Variants in PPP3CA observed in about 807,000 individuals in gnomAD.
PPP3CA encodes protein phosphatase 3 catalytic subunit alpha.
In PPP3CA, 14 loss-of-function variants were observed where a neutral mutation model predicts 66.5. That is an observed-to-expected ratio of 0.21 (90% CI 0.14 to 0.33). PPP3CA has a LOEUF of 0.33. Ranked by LOEUF, PPP3CA falls within the 10% of genes least tolerant of loss-of-function variation. The pLI is 1.00. For missense variants in PPP3CA, 317 were observed against 639.5 expected, an observed-to-expected ratio of 0.50 and a Z score of 5.44; for synonymous variants, 232 against 226.2, an observed-to-expected ratio of 1.03 and a Z score of -0.23.
intron 1 of PPP3CA, among the ~76,000 whole-genome samples, chr4:101,250,747 C>G (rs1726647931): frequency 6.6e-6 from 1 of 152,000 alleles, no homozygotes; most frequent in Non-Finnish European, 1.5e-5. Context: ...CAATTTTTTT[C>G]TTCCCTGAGG....
intron 2 of PPP3CA, among the ~76,000 whole-genome samples, chr4:101,189,157 A>T (rs1157909789): frequency 6.6e-6 from 1 of 152,140 alleles, no homozygotes; most frequent in Non-Finnish European, 1.5e-5. Context: ...CTAAAAAGAT[A>T]ACTGCTATGT....
At chr4:101,281,657 T>C (rs1727688441) in intron 1 of PPP3CA, among the ~76,000 whole-genome samples, 1 of 152,196 alleles carries the variant, frequency 6.6e-6, no homozygotes, top group South Asian at 2.1e-4. Flanking sequence ...GTCAATCAAA[T>C]GTAATAAGAA....
At chr4:101,221,920 T>C (rs1416690198) in intron 1 of PPP3CA, among the ~76,000 whole-genome samples, 2 of 151,570 alleles carry the variant, frequency 1.3e-5, no homozygotes, top group African/African-American at 4.8e-5. Flanking sequence ...TTCTTATAGA[T>C]TGCATTCTTA....
chr4:101,075,336 C>T (rs1423215279), intron 8 of PPP3CA, among the ~76,000 whole-genome samples: 1 of 152,142 alleles, frequency 6.6e-6, no homozygotes, highest in African/African-American at 2.4e-5. Context: ...AAATTAGTTT[C>T]GTTGCCATTA....
At chr4:101,101,667 C>A (rs1416728816) in intron 3 of PPP3CA, among the ~76,000 whole-genome samples, 1 of 151,608 alleles carries the variant, frequency 6.6e-6, no homozygotes, top group Non-Finnish European at 1.5e-5. Flanking sequence ...TATAATATAT[C>A]CAGTGAAACG....
chr4:101,276,008 C>A (rs572630903), intron 1 of PPP3CA, among the ~76,000 whole-genome samples: 3 of 152,000 alleles, frequency 2.0e-5, no homozygotes, highest in South Asian at 2.1e-4. Context: ...AATTCTCCTG[C>A]CTCAGCCTCC....
chr4:101,333,283 T>G (rs1029921376), intron 1 of PPP3CA, among the ~76,000 whole-genome samples: 8 of 101,622 alleles, frequency 7.9e-5, no homozygotes, highest in Admixed American at 4.6e-4. Flanking sequence ...TTTTTTTTTT[T>G]TTTTTTTTTT....
Position 101,039,988 on chromosome 4 carries a change from CA to C in PPP3CA, c.1241+493del, listed in dbSNP as rs1360037583. Among the ~76,000 whole-genome samples, 4 of 106,024 alleles carry C rather than the reference CA, an allele frequency of 3.8e-5. 1 individual carries two copies. The highest frequency in any genetic ancestry group is 1.3e-4 in the African/African-American group (4 of 31,426). The allele number at this position is 106,024 out of a possible 152,430, so 69.6% of individuals were successfully genotyped here. On this transcript the variant is annotated intron_variant, in intron 11 of 13. Transcript: ENST00000394854. Reference sequence around the variant, plus strand: ...TAATAATAATATGATTCATAATCTACAAAATATACTACTATATGGAAATTGA... The same window carrying C: ...TAATAATAATATGATTCATAATCTACAAATATACTACTATATGGAAATTGA...
At chr4:101,161,542 G>C (rs1285547823) in intron 2 of PPP3CA, among the ~76,000 whole-genome samples, 4 of 152,074 alleles carry the variant, frequency 2.6e-5, no homozygotes, top group African/African-American at 4.8e-5. Flanking sequence ...TGCCAAATGG[G>C]AAAGGATTCA....
intron 1 of PPP3CA, among the ~76,000 whole-genome samples, chr4:101,318,190 T>C (rs1048543639): frequency 6.6e-6 from 1 of 152,140 alleles, no homozygotes. Context: ...CACAGAATGA[T>C]ATAAAAAAAG....
intron 1 of PPP3CA, among the ~76,000 whole-genome samples, chr4:101,315,674 G>A (rs1175181383): frequency 3.9e-5 from 6 of 152,188 alleles, no homozygotes; most frequent in Non-Finnish European, 8.8e-5. Flanking sequence ...AAATAAGATA[G>A]AAGCTCAGTT....
Position 101,253,813 on chromosome 4 carries a change from C to A in PPP3CA, c.59-57697G>T, listed in dbSNP as rs1332880511. ...TCTCAGAAATGTGTGGATATATGAA[C>A]GAAAGAGGGGAAGAGGCAGCACCTC... On this transcript the variant is annotated intron_variant, in intron 1 of 13. Coordinates refer to ENST00000394854, the MANE Select transcript of PPP3CA (RefSeq NM_000944.5). Among the ~76,000 whole-genome samples the A allele has an allele frequency of 2.6e-5, 4 of 151,890 alleles. No homozygotes were observed. In the East Asian group the frequency reaches 7.8e-4, roughly 29 times the overall value.
At chr4:101,029,347 T>TAAAAAAAAAAAAAAAAAAA (rs34620032) in intron 12 of PPP3CA, 152 bp from the exon 13 acceptor site, 2 of 78,836 alleles carry the variant, frequency 2.5e-5, no homozygotes, top group African/African-American at 7.1e-5. Context: ...ACAGAAATGC[T>TAAAAAAAAAAAAAAAAAAA]AAAAAAAAAA....
At chr4:101,074,204 T>G (rs904020209) in intron 8 of PPP3CA, among the ~76,000 whole-genome samples, 1 of 151,888 alleles carries the variant, frequency 6.6e-6, no homozygotes, top group Non-Finnish European at 1.5e-5. Flanking sequence ...TGTAGGGGAG[T>G]GAGCTCTTTG....
rs145612022 is a variant in PPP3CA, at chr4:101,345,370, G to A, written c.58+1369C>T. Among the ~76,000 whole-genome samples the A allele has an allele frequency of 1.2e-4, 19 of 152,306 alleles. 1 individual carries two copies. The highest frequency in any genetic ancestry group is 4.6e-4 in the African/African-American group (19 of 41,566). ...TGTGTATCATGGTCTTTGGGCTGCT[G>A]GGTTACTTCACTTTTAAGTGCTCAT... On this transcript the variant is annotated intron_variant, in intron 1 of 13. Coordinates refer to ENST00000394854, the MANE Select transcript of PPP3CA (RefSeq NM_000944.5).
At chr4:101,037,987 G>T (rs997926) in intron 11 of PPP3CA, among the ~76,000 whole-genome samples, 114,687 of 152,172 alleles carry the variant, frequency 0.75, 44,918 homozygotes, top group African/African-American at 0.89. Flanking sequence ...CCCAACTGAG[G>T]GAGTTTGGAC....
In PPP3CA at chr4:101,195,947, T is replaced by C. The variant is rs371141456; in HGVS notation, c.228A>G (p.Lys76=). The C allele has an allele frequency of 1.9e-6, 3 of 1,613,986 alleles. No individual in the cohort carries two copies. The highest frequency in any genetic ancestry group is 2.5e-6 in the Non-Finnish European group (3 of 1,179,928). Residue 76 remains lysine (K), a synonymous_variant, in exon 2 of 14, where the codon AAA becomes AAG. Coordinates refer to ENST00000394854, the MANE Select transcript of PPP3CA (RefSeq NM_000944.5). ...CTGGCGCATCAATATCCAGCAAATTTTTTTCCTGTCGAAGAATTGATGCAC... is the reference window on the plus strand; with the variant it reads ...CTGGCGCATCAATATCCAGCAAATTCTTTTCCTGTCGAAGAATTGATGCAC... ...TEGASILRQE[K]NLLDIDAPVT... is the part of the protein sequence containing the mutation.
chr4:101,319,337 G>T (rs536647784), intron 1 of PPP3CA, among the ~76,000 whole-genome samples: 1 of 151,846 alleles, frequency 6.6e-6, no homozygotes, highest in Non-Finnish European at 1.5e-5. Flanking sequence ...TTGATTTGTG[G>T]CATGTTTCCA....
intron 1 of PPP3CA, among the ~76,000 whole-genome samples, chr4:101,243,476 T>C (rs760073610): frequency 1.3e-5 from 2 of 151,986 alleles, no homozygotes; most frequent in Admixed American, 6.6e-5. Context: ...TAAATATACA[T>C]AGGGAAAAAA....
Sources: gnomAD v4.1 joint callset for allele counts (sites outside exome capture counted in the v4.1 genomes callset) on GRCh38, gnomAD v4.1.1 for gene constraint, MANE v1.5 for transcripts, NCBI Gene and HGNC (gene_info 2026-07-23, HGNC 2026-07-21) for gene names.